KIAA1549: variants seen among roughly 807,000 people sequenced by gnomAD.
The protein encoded by KIAA1549 is UPF0606 protein KIAA1549.
KIAA1549 carries 70 observed loss-of-function variants against 156.4 expected under a neutral mutation model. The ratio of observed to expected loss-of-function variants is 0.45; its 90% CI spans 0.37 to 0.55. The LOEUF is 0.55. Among genes scored for constraint, KIAA1549 ranks in the 20% least tolerant of loss-of-function variants. The pLI is 0.00. For missense variants in KIAA1549, 2,428 were observed against 2,540.9 expected (o/e 0.96, Z 0.96); for synonymous variants, 1,103 against 1,066.4 (o/e 1.03, Z -0.67).
chr7:138,940,162 C>T (rs183410293), intron 1 of KIAA1549, among the ~76,000 whole-genome samples: 2,005 of 152,176 alleles, frequency 0.013, 16 homozygotes, highest in South Asian at 0.021. Flanking sequence ...TATCCCTCCC[C>T]GCTCCCCCCA....
Position 138,917,014 on chromosome 7 carries a change from G to A in KIAA1549, c.2612C>T (p.Thr871Ile), listed in dbSNP as rs1812345231. The A allele has an allele frequency of 1.2e-6, 2 of 1,603,866 alleles. No individual in the cohort carries two copies. The highest frequency in any genetic ancestry group is 1.1e-5 in the South Asian group (1 of 88,624). Residue 871 changes from threonine to isoleucine, a missense_variant, in exon 2 of 20, where the codon ACA (threonine) becomes ATA (isoleucine). By Grantham distance (89) the Thr-to-Ile change is moderately conservative. Transcript: ENST00000422774. ...GGTGTTCAGTGGCACCTCTGTGGGT[G>A]TGAGTGATGGGCCCACGACGGTCAG... ...TELTVVGPSL[T>I]PTEVPLNTST...
chr7:138,916,758 C>G lies in KIAA1549; in HGVS notation c.2868G>C (p.Leu956=). The change falls in exon 2 of 20, where the codon CTG becomes CTC. Residue 956 remains leucine (L), a synonymous_variant. Transcript: ENST00000422774. ...GAAGCTGGGCCTTACCAGTTGTGAT[C>G]AGATAGGCATCGGGGACTGTGATAT... The part of the protein sequence containing the change: ...VCDITVPDAY[L]ITTVLARRAV... 6.2e-7 allele frequency: 1 copy of G among 1,613,824 alleles called. No individual in the cohort carries two copies. The highest frequency in any genetic ancestry group is 8.5e-7 in the Non-Finnish European group (1 of 1,179,804).
intron 15 of KIAA1549, among the ~76,000 whole-genome samples, chr7:138,864,417 G>T (rs1337012398): frequency 6.6e-6 from 1 of 152,118 alleles, no homozygotes; most frequent in African/African-American, 2.4e-5. Flanking sequence ...GAGCTCCTGG[G>T]CCAGGACACT....
intron 17 of KIAA1549, among the ~76,000 whole-genome samples, chr7:138,847,250 T>A (rs1182508548): frequency 6.6e-6 from 1 of 152,146 alleles, no homozygotes; most frequent in Non-Finnish European, 1.5e-5. Context: ...CTTCTGAGGG[T>A]AAAAGCTATT....
chr7:138,859,506 C>T (rs1430022808), intron 16 of KIAA1549, among the ~76,000 whole-genome samples: 1 of 152,144 alleles, frequency 6.6e-6, no homozygotes, highest in Non-Finnish European at 1.5e-5. Context: ...AGATTCTCTG[C>T]AGATGCCTAG....
chr7:138,852,397 C>CA (rs1810261179), intron 16 of KIAA1549, 128 bp from the exon 17 acceptor site: 1 of 659,564 alleles, frequency 1.5e-6, no homozygotes, highest in African/African-American at 1.9e-5. Flanking sequence ...TAAAACTTAG[C>CA]ATGTTACCGG....
At chr7:138,872,556 GAGA>G (rs1050311730) in intron 12 of KIAA1549, among the ~76,000 whole-genome samples, 3 of 152,082 alleles carry the variant, frequency 2.0e-5, no homozygotes, top group African/African-American at 4.8e-5. Context: ...TTTGAAAAAA[GAGA>G]AAGAGAAAAA....
chr7:138,904,141 T>C (rs1272723630), intron 7 of KIAA1549, among the ~76,000 whole-genome samples: 1 of 152,206 alleles, frequency 6.6e-6, no homozygotes, highest in Non-Finnish European at 1.5e-5. Flanking sequence ...GTTCATTGTC[T>C]TGCCTTGAGA....
intron 10 of KIAA1549, among the ~76,000 whole-genome samples, chr7:138,883,684 G>A (rs6942581): frequency 0.084 from 12,750 of 152,152 alleles, 672 homozygotes; most frequent in East Asian, 0.22. Context: ...AAAGTGTCAA[G>A]GTATTAACAG....
intron 18 of KIAA1549, among the ~76,000 whole-genome samples, chr7:138,840,904 C>T (rs1337766953): frequency 6.6e-6 from 1 of 152,190 alleles, no homozygotes; most frequent in East Asian, 1.9e-4. Context: ...GATCACTGCA[C>T]TCCTTAAGGA....
rs575670826 is a variant in KIAA1549 at position 138,979,824 on chromosome 7, C to T, written c.187+1259G>A. Among the ~76,000 whole-genome samples the T allele has an allele frequency of 6.6e-5, 10 of 152,322 alleles. No individual in the cohort carries two copies. In the East Asian group the frequency reaches 1.9e-3, roughly 29 times the overall value. On this transcript the variant is annotated intron_variant, in intron 1 of 19. Coordinates refer to ENST00000422774, the MANE Select transcript of KIAA1549 (RefSeq NM_001164665.2). ...CAGCTATGGGAAATCTCTGCAGAGG[C>T]TTCAGGTGTGGATATGTCTATGGGC...
At chr7:138,924,182 C>CT (rs1233229501) in intron 1 of KIAA1549, among the ~76,000 whole-genome samples, 75 of 92,312 alleles carry the variant, frequency 8.1e-4, no homozygotes, top group South Asian at 2.4e-3. Flanking sequence ...CTTTTCTTTT[C>CT]TTTTTTTTTT....
chr7:138,891,785 G>T (rs1402285101), intron 10 of KIAA1549, among the ~76,000 whole-genome samples: 1 of 152,152 alleles, frequency 6.6e-6, no homozygotes, highest in Non-Finnish European at 1.5e-5. Flanking sequence ...ACATGAGCAG[G>T]AGACAGAGCT....
At chr7:138,895,343 G>A (rs575667614) in intron 9 of KIAA1549, among the ~76,000 whole-genome samples, 2 of 152,298 alleles carry the variant, frequency 1.3e-5, no homozygotes, top group South Asian at 2.1e-4. Flanking sequence ...TCGTAGCAGC[G>A]CTATTCACGA....
intron 1 of KIAA1549, among the ~76,000 whole-genome samples, chr7:138,942,649 G>T (rs1012285512): frequency 6.6e-6 from 1 of 152,000 alleles, no homozygotes; most frequent in African/African-American, 2.4e-5. Flanking sequence ...GGTGACTCAC[G>T]CCTGTAATCC....
intron 17 of KIAA1549, among the ~76,000 whole-genome samples, chr7:138,850,542 G>C (rs1229400796): frequency 6.6e-6 from 1 of 152,080 alleles, no homozygotes; most frequent in African/African-American, 2.4e-5. Flanking sequence ...GAGGTTGTTT[G>C]TTCTTTTTCT....
intron 10 of KIAA1549, among the ~76,000 whole-genome samples, chr7:138,891,770 C>T (rs1811554388): frequency 6.6e-6 from 1 of 152,108 alleles, no homozygotes; most frequent in Admixed American, 6.5e-5. Context: ...AGAGAGACAA[C>T]AGCCACATGA....
chr7:138,902,788 G>A (rs775739002), intron 8 of KIAA1549, among the ~76,000 whole-genome samples: 29 of 151,964 alleles, frequency 1.9e-4, no homozygotes, highest in Non-Finnish European at 3.8e-4. Flanking sequence ...CAGCCTGGGC[G>A]ACAGAGCGAG....
At chr7:138,954,102 A>G (rs1813585528) in intron 1 of KIAA1549, among the ~76,000 whole-genome samples, 2 of 152,228 alleles carry the variant, frequency 1.3e-5, no homozygotes, top group African/African-American at 4.8e-5. Flanking sequence ...ACGCACAAGA[A>G]GTTAGATTAG....
Sources: gnomAD v4.1 joint callset for allele counts (sites outside exome capture counted in the v4.1 genomes callset) on GRCh38, gnomAD v4.1.1 for gene constraint, MANE v1.5 for transcripts, NCBI Gene and HGNC (gene_info 2026-07-23, HGNC 2026-07-21) for gene names.